Variants in CREB5 observed in about 807,000 individuals in gnomAD.
CREB5 encodes the protein cAMP responsive element binding protein 5, also known as cyclic AMP-responsive element-binding protein 5.
A neutral mutation model predicts 57.1 loss-of-function variants in CREB5; 19 were observed. That is an observed-to-expected ratio of 0.33 (90% confidence interval 0.23 to 0.49). The LOEUF (loss-of-function observed/expected upper bound fraction) is 0.49, where lower values mean the gene tolerates loss of function less well. CREB5 is among the 20% of genes least tolerant of loss of function. The pLI is 0.99. For missense variants in CREB5, 579 were observed against 671.6 expected (o/e 0.86, Z 1.52); for synonymous variants, 238 against 238.3 (o/e 1.00, Z 0.01).
rs112833899 is a variant in CREB5 at position 28,591,315 on chromosome 7, C to G, written c.464+20778C>G. 3.7e-4 allele frequency among the ~76,000 whole-genome samples: 56 copies of G among 152,308 alleles called. 2 individuals carry two copies. Among genetic ancestry groups the G allele is most frequent in the African/African-American group, 1.2e-3 (51 of 41,564 alleles). ...TTCAAGCAGTCGGGCTGAGAGGAGT[C>G]CTCTCTAGCTTCTCATGTCCATTGC... On this transcript the variant is annotated intron_variant, in intron 5 of 10. Transcript: ENST00000357727.
chr7:28,320,817 T>G (rs1244148567), intron 1 of CREB5, among the ~76,000 whole-genome samples: 6 of 152,210 alleles, frequency 3.9e-5, no homozygotes, highest in East Asian at 1.9e-4. Context: ...TTAAGAAAAT[T>G]TTATGAGTGA....
chr7:28,569,363 C>T (rs759606927), intron 4 of CREB5, among the ~76,000 whole-genome samples: 1 of 152,134 alleles, frequency 6.6e-6, no homozygotes, highest in Non-Finnish European at 1.5e-5. Flanking sequence ...TTCTTTCTCA[C>T]CTTTCGGTCC....
chr7:28,718,616 C>G, intron 5 of CREB5, 137 bp from the exon 6 acceptor site: 1 of 1,182,672 alleles, frequency 8.5e-7, no homozygotes, highest in Non-Finnish European at 1.2e-6. Context: ...TCCCTAATAT[C>G]CTCAATTATG....
At chr7:28,562,707 T>C (rs1046080179) in intron 4 of CREB5, among the ~76,000 whole-genome samples, 1 of 152,242 alleles carries the variant, frequency 6.6e-6, no homozygotes, top group African/African-American at 2.4e-5. Context: ...ATCAGACATT[T>C]TGAAATGAAT....
At chr7:28,438,648 G>T (rs540913140) in intron 1 of CREB5, among the ~76,000 whole-genome samples, 1 of 152,270 alleles carries the variant, frequency 6.6e-6, no homozygotes, top group South Asian at 2.1e-4. Context: ...TTTCTTGTGT[G>T]TGAATAACTA....
intron 1 of CREB5, among the ~76,000 whole-genome samples, chr7:28,335,787 G>C (rs568857599): frequency 6.6e-6 from 1 of 152,006 alleles, no homozygotes; most frequent in East Asian, 1.9e-4. Context: ...TCTAGATCTT[G>C]GATGAAAGGC....
intron 1 of CREB5, among the ~76,000 whole-genome samples, chr7:28,421,107 C>T (rs1788229511): frequency 6.6e-6 from 1 of 152,102 alleles, no homozygotes; most frequent in Admixed American, 6.5e-5. Flanking sequence ...CTGTACATTG[C>T]ACCCACTAGG....
intron 5 of CREB5, among the ~76,000 whole-genome samples, chr7:28,631,923 T>C (rs1037714526): frequency 6.6e-6 from 1 of 152,046 alleles, no homozygotes; most frequent in East Asian, 1.9e-4. Context: ...GTAGAGAGAA[T>C]GACAGGCTTA....
intron 4 of CREB5, among the ~76,000 whole-genome samples, chr7:28,525,643 C>G (rs992534659): frequency 6.6e-6 from 1 of 151,984 alleles, no homozygotes; most frequent in African/African-American, 2.4e-5. Flanking sequence ...CATTGGCATG[C>G]AGTAAGGTAC....
chr7:28,519,540 G>A (rs59894297), intron 4 of CREB5, among the ~76,000 whole-genome samples: 27,692 of 152,062 alleles, frequency 0.18, 4,445 homozygotes, highest in African/African-American at 0.44. Context: ...GTGGTAATGG[G>A]TTTGCACAAA....
At chr7:28,816,147 G>T (rs144574776) in intron 9 of CREB5, among the ~76,000 whole-genome samples, 7 of 151,496 alleles carry the variant, frequency 4.6e-5, no homozygotes, top group Non-Finnish European at 7.4e-5. Flanking sequence ...ACCAGAGATT[G>T]CCTTCATTTG....
chr7:28,500,183 A>T (rs1344263792), intron 3 of CREB5, among the ~76,000 whole-genome samples: 1 of 152,182 alleles, frequency 6.6e-6, no homozygotes, highest in Admixed American at 6.5e-5. Context: ...ACAACAAAAA[A>T]CCCAGATAAG....
chr7:28,446,790 TCAAAACAAAA>T (rs144125710), intron 1 of CREB5, among the ~76,000 whole-genome samples: 1 of 152,002 alleles, frequency 6.6e-6, no homozygotes, highest in Non-Finnish European at 1.5e-5. Flanking sequence ...AGACTCTGTC[TCAAAACAAAA>T]CAAAACAAAA....
At chr7:28,720,908 T>G (rs1161877915) in intron 6 of CREB5, among the ~76,000 whole-genome samples, 1 of 152,182 alleles carries the variant, frequency 6.6e-6, no homozygotes, top group Non-Finnish European at 1.5e-5. Context: ...TTGGCTAAGC[T>G]GTGCACCATT....
intron 5 of CREB5, among the ~76,000 whole-genome samples, chr7:28,674,388 G>A (rs749121778): frequency 6.6e-6 from 1 of 152,190 alleles, no homozygotes; most frequent in Non-Finnish European, 1.5e-5. Context: ...CTGTTGTACT[G>A]ACATTGGCTT....
intron 7 of CREB5, among the ~76,000 whole-genome samples, chr7:28,795,611 A>G (rs1271290114): frequency 1.7e-4 from 26 of 152,218 alleles, no homozygotes; most frequent in Non-Finnish European, 1.5e-5. Flanking sequence ...CATCATAATG[A>G]ATATTAGTAA....
chr7:28,789,636 G>C (rs62442203), intron 7 of CREB5, among the ~76,000 whole-genome samples: 46,372 of 152,090 alleles, frequency 0.3, 8,186 homozygotes, highest in Non-Finnish European at 0.41. Context: ...CAATGGAATA[G>C]AAAGAGCACA....
intron 1 of CREB5, among the ~76,000 whole-genome samples, chr7:28,317,600 A>C (rs916034716): frequency 6.6e-6 from 1 of 152,224 alleles, no homozygotes; most frequent in African/African-American, 2.4e-5. Flanking sequence ...TTCACAATCT[A>C]CAATTATGTA....
At chr7:28,786,701 G>T (rs1359714105) in intron 7 of CREB5, among the ~76,000 whole-genome samples, 1 of 152,174 alleles carries the variant, frequency 6.6e-6, no homozygotes, top group Admixed American at 6.5e-5. Flanking sequence ...AAAGGTTTAT[G>T]TGAGTGTTAT....
Sources: allele counts gnomAD v4.1 joint callset (sites outside exome capture counted in the v4.1 genomes callset), GRCh38; gene constraint gnomAD v4.1.1; transcripts MANE v1.5; gene names NCBI Gene and HGNC (gene_info 2026-07-23, HGNC 2026-07-21).